ARMC8: variants seen among roughly 807,000 people sequenced by gnomAD.
ARMC8 encodes the protein armadillo repeat containing 8.
ARMC8 carries 20 observed loss-of-function variants against 99.3 expected under a neutral mutation model. The observed-to-expected ratio is 0.20, with a 90% CI of 0.14 to 0.29. The LOEUF (loss-of-function observed/expected upper bound fraction) is 0.29. ARMC8 is among the 10% of genes least tolerant of loss of function. The probability of loss-of-function intolerance (pLI) is 1.00; values close to 1 mark genes in which losing one functional copy is unlikely to be tolerated. For synonymous variants in ARMC8, 263 were observed against 278.3 expected (o/e 0.95, Z 0.55); for missense variants, 569 against 809.5 (o/e 0.70, Z 3.60).
intron 2 of ARMC8, among the ~76,000 whole-genome samples, chr3:138,219,595 T>C (rs1337264832): frequency 6.6e-6 from 1 of 152,250 alleles, no homozygotes; most frequent in Non-Finnish European, 1.5e-5. Flanking sequence ...CTTAATCCTG[T>C]TAATCCTTTT....
chr3:138,248,107 G>A (rs1576759691), intron 12 of ARMC8, among the ~76,000 whole-genome samples: 1 of 152,148 alleles, frequency 6.6e-6, no homozygotes, highest in East Asian at 1.9e-4. Context: ...GAGTGAAGGA[G>A]GATGGTGCTG....
intron 2 of ARMC8, among the ~76,000 whole-genome samples, chr3:138,214,451 A>G (rs2044892099): frequency 6.6e-6 from 1 of 151,914 alleles, no homozygotes; most frequent in Non-Finnish European, 1.5e-5. Context: ...TAATTCTCTT[A>G]GCTCCAGGAA....
At chr3:138,253,911 C>T (rs138675211) in intron 12 of ARMC8, among the ~76,000 whole-genome samples, 1 of 152,296 alleles carries the variant, frequency 6.6e-6, no homozygotes, top group Non-Finnish European at 1.5e-5. Flanking sequence ...TAAGATATGA[C>T]TGTAATTGAA....
intron 2 of ARMC8, among the ~76,000 whole-genome samples, chr3:138,215,022 G>T (rs766952608): frequency 2.6e-5 from 4 of 152,136 alleles, no homozygotes; most frequent in Non-Finnish European, 5.9e-5. Flanking sequence ...AGAGTGATCT[G>T]CATCTTACTT....
At chr3:138,256,670 A>C (rs1185460682) in intron 12 of ARMC8, among the ~76,000 whole-genome samples, 2 of 151,898 alleles carry the variant, frequency 1.3e-5, no homozygotes, top group Non-Finnish European at 2.9e-5. Flanking sequence ...TCGGCCTCCC[A>C]AAGTGCTGGC....
At chr3:138,254,514 A>G (rs2047286423) in intron 12 of ARMC8, among the ~76,000 whole-genome samples, 1 of 152,208 alleles carries the variant, frequency 6.6e-6, no homozygotes, top group South Asian at 2.1e-4. Context: ...GAGGAGACAG[A>G]TGGAAGTCTC....
At chr3:138,197,598 T>G (rs1438524082) in intron 1 of ARMC8, among the ~76,000 whole-genome samples, 1 of 152,210 alleles carries the variant, frequency 6.6e-6, no homozygotes, top group African/African-American at 2.4e-5. Flanking sequence ...TCTTATCACC[T>G]TGGGAGGCAT....
chr3:138,189,978 T>A (rs771393471), intron 1 of ARMC8, among the ~76,000 whole-genome samples: 5 of 152,236 alleles, frequency 3.3e-5, no homozygotes, highest in Non-Finnish European at 7.3e-5. Flanking sequence ...TTCATCCCCC[T>A]GTATCTACCA....
chr3:138,221,494 A>G (rs547464369), intron 2 of ARMC8, among the ~76,000 whole-genome samples: 79 of 152,322 alleles, frequency 5.2e-4, no homozygotes, highest in African/African-American at 1.8e-3. Context: ...AAGAAATAAT[A>G]TATAAAGAAG....
intron 16 of ARMC8, among the ~76,000 whole-genome samples, chr3:138,270,661 CAT>C (rs907816273): frequency 3.3e-4 from 51 of 152,244 alleles, no homozygotes; most frequent in South Asian, 4.1e-4. Flanking sequence ...AATTAATTAA[CAT>C]GTGTATTACC....
chr3:138,295,721 G>C (rs2051423335), intron 21 of ARMC8, 138 bp from the exon 22 acceptor site: 1 of 784,948 alleles, frequency 1.3e-6, no homozygotes, highest in Non-Finnish European at 2.1e-6. Context: ...CTTAAGGTAG[G>C]TGCCCACCTG....
At chr3:138,226,644 A>C (rs1394925633) in intron 5 of ARMC8, among the ~76,000 whole-genome samples, 1 of 152,226 alleles carries the variant, frequency 6.6e-6, no homozygotes, top group Non-Finnish European at 1.5e-5. Context: ...GTTTGCAAAG[A>C]GAGTAAGCCA....
At chr3:138,245,398 C>T (rs2046836038) in intron 12 of ARMC8, 1 of 1,387,070 alleles carries the variant, frequency 7.2e-7, no homozygotes, top group African/African-American at 1.5e-5. Context: ...GCTGGAATGA[C>T]AAATAACTGG....
Position 138,223,410 on chromosome 3 carries a change from A to T in ARMC8, c.216A>T (p.Gln72His). 6.2e-7 allele frequency: 1 copy of T among 1,614,128 alleles called. No individual in the cohort carries two copies. The highest frequency in any genetic ancestry group is 8.5e-7 in the Non-Finnish European group (1 of 1,180,022). ...TTAGATTGTTGTACTTGCTTCAGCA[A>T]GAAACCTCAAGCACAGAGCTGAAAA... ...AVPRLLYLLQ[Q>H]ETSSTELKTE... Residue 72 changes from glutamine to histidine, a missense_variant, in exon 4 of 22, where the codon CAA becomes CAT. Around this residue, in one of 2 missense-constraint regions of ARMC8, gnomAD observed 342 missense variants for 391.6 expected, o/e 0.87. Coordinates refer to ENST00000469044, the MANE Select transcript of ARMC8 (RefSeq NM_001363941.2).
At chr3:138,193,655 CTCT>C (rs1375338149) in intron 1 of ARMC8, among the ~76,000 whole-genome samples, 2 of 152,160 alleles carry the variant, frequency 1.3e-5, no homozygotes, top group Non-Finnish European at 2.9e-5. Context: ...CCTTTTCATC[CTCT>C]TAACCACAAT....
Position 138,295,723 on chromosome 3 carries a change from G to A in ARMC8, c.1989-136G>A, listed in dbSNP as rs543722953. 46 of 811,286 alleles carry A rather than the reference G, an allele frequency of 5.7e-5. No homozygotes were observed. The Admixed American group carries it at 6.3e-4, about 11-fold the overall frequency. The allele number at this position is 811,286 out of a possible 1,614,324, so 50.3% of individuals were successfully genotyped here. A position where few individuals can be genotyped will look rare whatever the true frequency, so the allele number is the denominator to read the frequency against. On this transcript the variant is annotated intron_variant, in intron 21 of 21. Transcript: ENST00000469044. The stretch of plus-strand genomic sequence containing the variant: ...CAGATCTCTTCCCCTTAAGGTAGGT[G>A]CCCACCTGGGCTCACCCCAATTCCC...
chr3:138,248,072 A>T (rs2046963425), intron 12 of ARMC8, among the ~76,000 whole-genome samples: 1 of 152,044 alleles, frequency 6.6e-6, no homozygotes, highest in Non-Finnish European at 1.5e-5. Context: ...AAATTTCTTA[A>T]TTTATTGTGG....
At chr3:138,189,025 A>G (rs894778019) in intron 1 of ARMC8, among the ~76,000 whole-genome samples, 1 of 152,154 alleles carries the variant, frequency 6.6e-6, no homozygotes, top group African/African-American at 2.4e-5. Flanking sequence ...GTTAAAAAAA[A>G]ATAGTATGTG....
chr3:138,271,929 G>A (rs566690241), intron 16 of ARMC8, among the ~76,000 whole-genome samples: 1 of 151,956 alleles, frequency 6.6e-6, no homozygotes, highest in South Asian at 2.1e-4. Context: ...CTGAGTAGCT[G>A]GGATTACAGG....
Sources: allele counts gnomAD v4.1 joint callset (sites outside exome capture counted in the v4.1 genomes callset), GRCh38; gene constraint gnomAD v4.1.1; regional missense constraint gnomAD v4.1.1; transcripts MANE v1.5; gene names NCBI Gene and HGNC (gene_info 2026-07-23, HGNC 2026-07-21).